Variants in PDZD8 observed in about 807,000 individuals in gnomAD.
PDZD8 encodes PDZ domain-containing protein 8.
PDZD8 carries 14 observed loss-of-function variants against 85.8 expected under a neutral mutation model. That is an observed-to-expected ratio of 0.16 (90% confidence interval 0.11 to 0.26). The LOEUF is 0.26. Ranked by LOEUF, PDZD8 falls within the 10% of genes least tolerant of loss-of-function variation. The pLI, the probability that PDZD8 is intolerant of heterozygous loss-of-function variation, is 1.00. For synonymous variants in PDZD8, 592 were observed against 568.6 expected (o/e 1.04, Z -0.59); for missense variants, 1,197 against 1,424.3 (o/e 0.84, Z 2.57).
intron 2 of PDZD8, among the ~76,000 whole-genome samples, chr10:117,321,679 G>A (rs941539338): frequency 4.3e-4 from 65 of 152,070 alleles, no homozygotes; most frequent in African/African-American, 1.5e-3. Context: ...GAAAAAATAA[G>A]TAAGCGTAAC....
chr10:117,336,942 A>G (rs906386545), intron 2 of PDZD8, among the ~76,000 whole-genome samples: 4 of 152,100 alleles, frequency 2.6e-5, no homozygotes, highest in Non-Finnish European at 4.4e-5. Flanking sequence ...CAAACACCCT[A>G]GCTGGGCATG....
rs942565210 is a variant in PDZD8 at position 117,280,552 on chromosome 10, A to G, written c.*2716T>C. ...GCTATTGATACATAGCATGGCAGCAAGATTACATCAGTAATGTAATATAAT... is the reference window on the plus strand; with the variant it reads ...GCTATTGATACATAGCATGGCAGCAGGATTACATCAGTAATGTAATATAAT... On this transcript the variant is annotated 3_prime_UTR_variant, in exon 5 of 5. Coordinates refer to ENST00000334464, the MANE Select transcript of PDZD8 (RefSeq NM_173791.5). 4 of 152,198 alleles carry G rather than the reference A, an allele frequency of 2.6e-5. No individual in the cohort carries two copies. The highest frequency in any genetic ancestry group is 6.5e-5 in the Admixed American group (1 of 15,272). 9.4% of individuals were successfully genotyped at this position (152,198 alleles called of 1,614,324 possible). A position where few individuals can be genotyped will look rare whatever the true frequency, so the allele number is the denominator to read the frequency against.
At chr10:117,316,203 G>A (rs1844126043) in intron 3 of PDZD8, among the ~76,000 whole-genome samples, 1 of 152,138 alleles carries the variant, frequency 6.6e-6, no homozygotes, top group Non-Finnish European at 1.5e-5. Flanking sequence ...TTTATCCTAT[G>A]AGCTCTTTTA....
chr10:117,349,088 C>T (rs1203735760), intron 1 of PDZD8, among the ~76,000 whole-genome samples: 1 of 152,114 alleles, frequency 6.6e-6, no homozygotes, highest in Non-Finnish European at 1.5e-5. Context: ...TACATGCCCA[C>T]AAAATAAGGG....
At chr10:117,355,659 G>A (rs1191023123) in intron 1 of PDZD8, among the ~76,000 whole-genome samples, 2 of 152,090 alleles carry the variant, frequency 1.3e-5, no homozygotes, top group African/African-American at 4.8e-5. Flanking sequence ...ACCTCACAGT[G>A]CTGTTACAAG....
At chr10:117,357,924 A>G (rs1419929252) in intron 1 of PDZD8, among the ~76,000 whole-genome samples, 1 of 151,974 alleles carries the variant, frequency 6.6e-6, no homozygotes, top group Non-Finnish European at 1.5e-5. Flanking sequence ...TGAGCGCTAC[A>G]TACTTAGTAT....
intron 2 of PDZD8, among the ~76,000 whole-genome samples, chr10:117,326,414 G>T (rs1328594230): frequency 2.6e-5 from 4 of 152,198 alleles, no homozygotes; most frequent in African/African-American, 4.8e-5. Flanking sequence ...TTGTGCTGTG[G>T]ATAGCTTTTC....
rs1844624817 is a variant in PDZD8 at position 117,284,531 on chromosome 10, T to C, written c.2202A>G (p.Leu734=). 1.2e-6 allele frequency: 2 copies of C among 1,614,158 alleles called. No homozygotes were observed. The highest frequency in any genetic ancestry group is 1.7e-6 in the Non-Finnish European group (2 of 1,180,020). The change falls in exon 5 of 5, where the codon TTA becomes TTG. Residue 734 remains leucine (L), a synonymous_variant. Coordinates refer to ENST00000334464, the MANE Select transcript of PDZD8 (RefSeq NM_173791.5). Reference sequence around the variant, plus strand: ...ATCCTAAAGCCACATCTTCAAGTTTTAAACTAACATGCCCCAAACAGATGA... The same window carrying C: ...ATCCTAAAGCCACATCTTCAAGTTTCAAACTAACATGCCCCAAACAGATGA... ...GGLICLGHVS[L]KLEDVALGCL...
intron 3 of PDZD8, among the ~76,000 whole-genome samples, chr10:117,296,945 C>T (rs1218605967): frequency 6.6e-6 from 1 of 151,988 alleles, no homozygotes; most frequent in East Asian, 1.9e-4. Context: ...AAATGGACTT[C>T]ATAAAATTAA....
intron 1 of PDZD8, among the ~76,000 whole-genome samples, chr10:117,362,183 G>A (rs964731311): frequency 1.8e-4 from 28 of 152,218 alleles, no homozygotes; most frequent in African/African-American, 6.5e-4. Flanking sequence ...CCTAACTCAA[G>A]TTAGAACTTA....
intron 3 of PDZD8, among the ~76,000 whole-genome samples, chr10:117,316,864 C>A (rs892464625): frequency 6.6e-6 from 1 of 152,142 alleles, no homozygotes; most frequent in Non-Finnish European, 1.5e-5. Context: ...ATAGGACTCA[C>A]TTCTGGCCAA....
At chr10:117,309,899 G>A (rs1322892400) in intron 3 of PDZD8, among the ~76,000 whole-genome samples, 3 of 152,084 alleles carry the variant, frequency 2.0e-5, no homozygotes, top group Admixed American at 2.0e-4. Flanking sequence ...TGGAAAAAGT[G>A]GCCTAGCTGA....
At position 117,340,998 on chromosome 10, in the gene PDZD8, G is replaced by A. The variant is rs757742233; in HGVS notation, c.977C>T (p.Thr326Met). The change falls in exon 2 of 5, where the codon ACG becomes ATG. Residue 326 changes from threonine to methionine, a missense_variant. Physicochemically the swap from Thr to Met is moderately conservative, Grantham distance 81 (BLOSUM62 -1). This residue lies in a region of PDZD8 where 344 missense variants were observed against 453.6 expected (regional missense o/e 0.76). Transcript: ENST00000334464. ...AACATACCTGCTACATTCTAACAAC[G>A]TAACTTTAAGACGGCCTTCAGTAAG... ...WALTEGRLKV[T>M]LLECSRLLIF... 15 of 1,613,958 alleles carry A rather than the reference G, an allele frequency of 9.3e-6. No homozygotes were observed. Among genetic ancestry groups the A allele is most frequent in the South Asian group, 1.1e-5 (1 of 91,074 alleles).
At position 117,322,550 on chromosome 10, in the gene PDZD8, T is replaced by C. The variant is rs572525403; in HGVS notation, c.996-3576A>G. Among the ~76,000 whole-genome samples the C allele has an allele frequency of 3.8e-4, 58 of 152,242 alleles. No individual in the cohort carries two copies. In the Middle Eastern group the frequency reaches 0.01, roughly 27 times the overall value. ...AGTAACCGACAGTGGTTGAACTAAGTGGTTATTACTGCAGGGGGCACGAAC... is the reference window on the plus strand; with the variant it reads ...AGTAACCGACAGTGGTTGAACTAAGCGGTTATTACTGCAGGGGGCACGAAC... On this transcript the variant is annotated intron_variant, in intron 2 of 4. Transcript: ENST00000334464.
At chr10:117,338,500 G>A (rs1372702297) in intron 2 of PDZD8, among the ~76,000 whole-genome samples, 2 of 151,996 alleles carry the variant, frequency 1.3e-5, no homozygotes, top group African/African-American at 2.4e-5. Context: ...TAAAAATACT[G>A]GACCTTAATT....
chr10:117,361,185 C>G (rs868180163), intron 1 of PDZD8, among the ~76,000 whole-genome samples: 1 of 152,074 alleles, frequency 6.6e-6, no homozygotes, highest in African/African-American at 2.4e-5. Flanking sequence ...CCTCAAAGGT[C>G]TGGAACATCC....
At chr10:117,305,564 T>G (rs543064601) in intron 3 of PDZD8, among the ~76,000 whole-genome samples, 1 of 150,434 alleles carries the variant, frequency 6.6e-6, no homozygotes, top group South Asian at 2.1e-4. Context: ...ATTTGAATAG[T>G]ACAAGGAATG....
chr10:117,364,712 C>T (rs1845058686), intron 1 of PDZD8, among the ~76,000 whole-genome samples: 1 of 151,926 alleles, frequency 6.6e-6, no homozygotes, highest in Non-Finnish European at 1.5e-5. Context: ...GAGGCATGAA[C>T]AGATTAAGTG....
intron 3 of PDZD8, among the ~76,000 whole-genome samples, chr10:117,306,992 T>C (rs1226986483): frequency 6.6e-6 from 1 of 152,134 alleles, no homozygotes; most frequent in Admixed American, 6.5e-5. Flanking sequence ...CAGACCTTAT[T>C]CCAGCTGAAA....
Sources: gnomAD v4.1 joint callset for allele counts (sites outside exome capture counted in the v4.1 genomes callset) on GRCh38, gnomAD v4.1.1 for gene constraint, gnomAD v4.1.1 regional missense constraint, MANE v1.5 for transcripts, NCBI Gene and HGNC (gene_info 2026-07-23, HGNC 2026-07-21) for gene names.